The following STX16 variants were observed in gnomAD, a reference collection of about 807,000 sequenced individuals.
STX16 encodes the protein syntaxin-16.
A neutral mutation model predicts 42.7 loss-of-function variants in STX16; 28 were observed. That is an observed-to-expected ratio of 0.66 (90% confidence interval 0.49 to 0.90). The LOEUF is 0.90. Ranked by LOEUF, STX16 falls within the 40% of genes least tolerant of loss-of-function variation. The pLI, the probability that STX16 is intolerant of heterozygous loss-of-function variation, is 0.00. For synonymous variants in STX16, 156 were observed against 155.2 expected, an observed-to-expected ratio of 1.00 and a Z score of -0.04; for missense variants, 361 against 420.9, an observed-to-expected ratio of 0.86 and a Z score of 1.24.
In STX16 at chr20:58,677,379, C is replaced by T. The variant is rs1568834300; in HGVS notation, c.*1088C>T. ...GCTCTTCCATTGCCACTGAGCAATGCCCAGGAAGCAGGCACATTGCCAAGG... is the reference window on the plus strand; with the variant it reads ...GCTCTTCCATTGCCACTGAGCAATGTCCAGGAAGCAGGCACATTGCCAAGG... On this transcript the variant is annotated 3_prime_UTR_variant, in exon 9 of 9. Transcript: ENST00000371141. 3 of 152,612 alleles carry T rather than the reference C, an allele frequency of 2.0e-5. No individual in the cohort carries two copies. Among genetic ancestry groups the T allele is most frequent in the Non-Finnish European group, 2.9e-5 (2 of 68,040 alleles). The allele number at this position is 152,612 out of a possible 1,614,324, so 9.5% of individuals were successfully genotyped here. A position where few individuals can be genotyped will look rare whatever the true frequency, so the allele number is the denominator to read the frequency against.
At chr20:58,654,830 G>C (rs1436141042) in intron 1 of STX16, among the ~76,000 whole-genome samples, 1 of 152,146 alleles carries the variant, frequency 6.6e-6, no homozygotes, top group Non-Finnish European at 1.5e-5. Context: ...TCTTACCTAA[G>C]TCCTTAAACC....
chr20:58,669,227 TG>T, intron 4 of STX16, 63 bp from the exon 5 acceptor site: 1 of 1,554,574 alleles, frequency 6.4e-7, no homozygotes, highest in Non-Finnish European at 8.7e-7. Context: ...GCTTGTGATG[TG>T]GCAGTGTTAG....
rs1452690430 is a variant in STX16, at chr20:58,670,377, T to G, written c.557-135T>G. On this transcript the variant is annotated intron_variant, in intron 5 of 8. Transcript: ENST00000371141. ...ACTCTCCCTCCACCCCCATTGGAGATAGGCTTCTTTAAAGCGGCTAAGAAT... is the reference window on the plus strand; with the variant it reads ...ACTCTCCCTCCACCCCCATTGGAGAGAGGCTTCTTTAAAGCGGCTAAGAAT... 3.6e-5 allele frequency: 23 copies of G among 646,914 alleles called. No individual in the cohort carries two copies. In the East Asian group the frequency reaches 6.2e-4, roughly 17 times the overall value. The allele number at this position is 646,914 out of a possible 1,614,324, so 40.1% of individuals were successfully genotyped here.
intron 1 of STX16, among the ~76,000 whole-genome samples, chr20:58,659,284 A>G (rs2083646089): frequency 6.6e-6 from 1 of 152,214 alleles, no homozygotes; most frequent in South Asian, 2.1e-4. Flanking sequence ...TTTGGTGTTT[A>G]TGAAACAGAT....
At chr20:58,675,510 G>A (rs1017029702) in intron 8 of STX16, among the ~76,000 whole-genome samples, 2 of 152,230 alleles carry the variant, frequency 1.3e-5, no homozygotes, top group African/African-American at 4.8e-5. Flanking sequence ...GAGCTTCCAG[G>A]ATGCGGTGTT....
chr20:58,659,727 A>G, intron 2 of STX16, 93 bp downstream of exon 2: 1 of 1,289,744 alleles, frequency 7.8e-7, no homozygotes, highest in South Asian at 1.3e-5. Context: ...TAAAATGCTA[A>G]CAGCTTATAC....
At position 58,657,661 on chromosome 20, in the gene STX16, G is replaced by A. The variant is rs1485805576; in HGVS notation, c.133-1962G>A. ...AGAAGGTGATGATGTGTAGTAACGT[G>A]TTTTCATTTGGCTTTATTTTGGTCT... is the stretch of plus-strand genomic sequence containing the variant. On this transcript the variant is annotated intron_variant, in intron 1 of 8. Coordinates refer to ENST00000371141, the MANE Select transcript of STX16 (RefSeq NM_001001433.3). The surrounding 1 kb of genome is among the most constrained non-coding windows in gnomAD (Gnocchi z 4.2). 6.6e-6 allele frequency among the ~76,000 whole-genome samples: 1 copy of A among 152,170 alleles called. No homozygotes were observed. The highest frequency in any genetic ancestry group is 1.5e-5 in the Non-Finnish European group (1 of 68,042).
At position 58,659,582 on chromosome 20, in the gene STX16, C is replaced by T. The variant is rs748602558; in HGVS notation, c.133-41C>T. ...CCCATGCTGCTTTCTTTGTGCTTTC[C>T]CCAACTGGATGGGACTGATGGGGAC... On this transcript the variant is annotated intron_variant, in intron 1 of 8. Coordinates refer to ENST00000371141, the MANE Select transcript of STX16 (RefSeq NM_001001433.3). 1.9e-5 allele frequency: 30 copies of T among 1,598,926 alleles called. No individual in the cohort carries two copies. The Admixed American group carries it at 5.0e-4, about 27-fold the overall frequency.
intron 1 of STX16, among the ~76,000 whole-genome samples, chr20:58,658,733 T>C (rs1357030869): frequency 2.0e-5 from 3 of 152,220 alleles, no homozygotes; most frequent in African/African-American, 7.2e-5. Context: ...TATCTGTCAT[T>C]AGTAAATGTC....
intron 4 of STX16, 111 bp from the exon 5 acceptor site, chr20:58,669,180 C>G: frequency 8.6e-7 from 1 of 1,158,086 alleles, no homozygotes; most frequent in Non-Finnish European, 1.2e-6. Context: ...TTCTCTAAAC[C>G]AGACTGAGTG....
chr20:58,654,667 A>G lies in STX16; in HGVS notation c.132+2529A>G, dbSNP rs1276197143. Among the ~76,000 whole-genome samples the G allele has an allele frequency of 2.6e-5, 4 of 152,332 alleles. No homozygotes were observed. In the East Asian group the frequency reaches 7.7e-4, roughly 29 times the overall value. On this transcript the variant is annotated intron_variant, in intron 1 of 8. Coordinates refer to ENST00000371141, the MANE Select transcript of STX16 (RefSeq NM_001001433.3). Reference sequence around the variant, plus strand: ...CCTTGTTTCTGACTTGTAAATTTCAAAGCCATGTAGCAAACCAAACAAAAT... The same window carrying G: ...CCTTGTTTCTGACTTGTAAATTTCAGAGCCATGTAGCAAACCAAACAAAAT...
intron 2 of STX16, among the ~76,000 whole-genome samples, 169 bp downstream of exon 2, chr20:58,659,803 A>G (rs535139617): frequency 5.9e-5 from 9 of 152,322 alleles, no homozygotes; most frequent in African/African-American, 1.2e-4. Context: ...AATTTAATCT[A>G]TTTTCACACC....
Position 58,652,115 on chromosome 20 carries a change from CTG to C in STX16, c.110_111del (p.Leu37ProfsTer4). 2 of 1,614,206 alleles carry C rather than the reference CTG, an allele frequency of 1.2e-6. No individual in the cohort carries two copies. Among genetic ancestry groups the C allele is most frequent in the Non-Finnish European group, 1.7e-6 (2 of 1,180,040 alleles). ...GAGTAGTCACATCACCTCCAGCCCT[CTG>C]CATTCACGTAGCATTGCTGCGGTGA... is the stretch of plus-strand genomic sequence containing the variant. ...QVSSHITSSP[L>X]HSRSIAAELD... On this transcript the variant is annotated frameshift_variant, in exon 1 of 9. Coordinates refer to ENST00000371141, the MANE Select transcript of STX16 (RefSeq NM_001001433.3). LOFTEE classifies it high-confidence loss of function.
At chr20:58,655,198 T>A (rs193258324) in intron 1 of STX16, among the ~76,000 whole-genome samples, 66 of 150,564 alleles carry the variant, frequency 4.4e-4, no homozygotes, top group African/African-American at 1.5e-3. Flanking sequence ...ACAGACTTTT[T>A]AAAAAAAAAA....
rs865904306 is a variant in STX16 at position 58,657,182 on chromosome 20, G to A, written c.133-2441G>A. Among the ~76,000 whole-genome samples the A allele has an allele frequency of 1.3e-5, 2 of 152,188 alleles. No individual in the cohort carries two copies. Among genetic ancestry groups the A allele is most frequent in the Admixed American group, 6.6e-5 (1 of 15,266 alleles). The stretch of plus-strand genomic sequence containing the variant: ...TATCTCACTTTATGAACCTTACATA[G>A]TCAATTTTAACTTGCAGATTGAAGA... On this transcript the variant is annotated intron_variant, in intron 1 of 8. Transcript: ENST00000371141. This position sits in a 1 kb window ranked among gnomAD's most constrained non-coding sequence, Gnocchi z 4.2.
At chr20:58,674,118 A>G (rs1180438894) in intron 8 of STX16, among the ~76,000 whole-genome samples, 1 of 152,190 alleles carries the variant, frequency 6.6e-6, no homozygotes, top group African/African-American at 2.4e-5. Context: ...CTTGTGATAC[A>G]TTCCTGATGA....
At chr20:58,670,672 AC>A (rs1480848844) in intron 6 of STX16, 69 bp downstream of exon 6, 2 of 1,289,370 alleles carry the variant, frequency 1.6e-6, no homozygotes, top group African/African-American at 2.9e-5. Flanking sequence ...CACCTCCTAG[AC>A]CTCGATCTTC....
Position 58,669,442 on chromosome 20 carries a change from G to T in STX16, c.545G>T (p.Gly182Val). 1.2e-6 allele frequency: 2 copies of T among 1,610,330 alleles called. No individual in the cohort carries two copies. The highest frequency in any genetic ancestry group is 1.7e-6 in the Non-Finnish European group (2 of 1,178,978). Reference protein sequence around the residue: ...LSTSFRHAQSGYLKRMKNREE... With the variant: ...LSTSFRHAQSVYLKRMKNREE... ...ACCAGCTTCCGGCACGCACAGTCAG[G>T]CTACCTCAAACGTGAGTGCTGCCCG... The change falls in exon 5 of 9, where the codon GGC (glycine) becomes GTC (valine). Residue 182 changes from glycine (G) to valine (V), a missense_variant. Coordinates refer to ENST00000371141, the MANE Select transcript of STX16 (RefSeq NM_001001433.3).
chr20:58,662,657 C>T (rs780893403), intron 2 of STX16, among the ~76,000 whole-genome samples: 7 of 152,228 alleles, frequency 4.6e-5, no homozygotes, highest in East Asian at 1.9e-4. Context: ...ACTACAGGTG[C>T]GTGCCACCAT....
Sources: allele counts gnomAD v4.1 joint callset (sites outside exome capture counted in the v4.1 genomes callset), GRCh38; gene constraint gnomAD v4.1.1; non-coding constraint Gnocchi (gnomAD v3.1); transcripts MANE v1.5; gene names NCBI Gene and HGNC (gene_info 2026-07-23, HGNC 2026-07-21).